The following BBS5 variants were observed in gnomAD, a reference collection of about 807,000 sequenced individuals.
BBS5 encodes BBSome complex member BBS5.
In BBS5, 39 loss-of-function variants were observed where a neutral mutation model predicts 50.2. The observed-to-expected ratio is 0.78, with a 90% CI of 0.60 to 1.01. The LOEUF (loss-of-function observed/expected upper bound fraction) is 1.01. Among genes scored for constraint, BBS5 ranks in the 50% least tolerant of loss-of-function variants. The pLI is 0.00. For missense variants in BBS5, 356 were observed against 401.5 expected, an observed-to-expected ratio of 0.89 and a Z score of 0.97; for synonymous variants, 134 against 133.1, an observed-to-expected ratio of 1.01 and a Z score of -0.05.
chr2:169,506,158 G>C lies in BBS5; in HGVS notation c.*1576G>C, dbSNP rs537862254. Reference sequence around the variant, plus strand: ...GGGTCAGCCCCCCGCCCGGCCAGCCGCCCGGTCCGGGAGGGAGGTGGGGGG... The same window carrying C: ...GGGTCAGCCCCCCGCCCGGCCAGCCCCCCGGTCCGGGAGGGAGGTGGGGGG... On this transcript the variant is annotated 3_prime_UTR_variant, in exon 12 of 12. Transcript: ENST00000295240. 1 of 142,462 alleles carries C rather than the reference G, an allele frequency of 7.0e-6. No individual in the cohort carries two copies. The highest frequency in any genetic ancestry group is 2.7e-5 in the African/African-American group (1 of 37,734). 8.8% of individuals were successfully genotyped at this position (142,462 alleles called of 1,614,324 possible).
At chr2:169,487,158 C>G (rs1683500826) in intron 3 of BBS5, 24 bp downstream of exon 3, 1 of 1,553,680 alleles carries the variant, frequency 6.4e-7, no homozygotes, top group Non-Finnish European at 8.9e-7. Flanking sequence ...TTAGATAAGT[C>G]TGAAGAAAAA....
At chr2:169,481,775 C>A (rs1683402143) in intron 1 of BBS5, among the ~76,000 whole-genome samples, 1 of 152,104 alleles carries the variant, frequency 6.6e-6, no homozygotes. Flanking sequence ...GATGTCCTTT[C>A]CTCTACTCAG....
rs1285935193 is a variant in BBS5, at chr2:169,505,102, G to A, written c.*520G>A. 6 of 988,152 alleles carry A rather than the reference G, an allele frequency of 6.1e-6. No homozygotes were observed. Among genetic ancestry groups the A allele is most frequent in the African/African-American group, 3.2e-5 (2 of 62,218 alleles). The allele number at this position is 988,152 out of a possible 1,614,324, so 61.2% of individuals were successfully genotyped here. Reference sequence around the variant, plus strand: ...GCCGAGTGCCTGCGATTACAGGCGCGCGCCGCCACACCTGACTGGTTTTCG... The same window carrying A: ...GCCGAGTGCCTGCGATTACAGGCGCACGCCGCCACACCTGACTGGTTTTCG... On this transcript the variant is annotated 3_prime_UTR_variant, in exon 12 of 12. Transcript: ENST00000295240.
At chr2:169,484,256 G>A (rs530667553) in intron 2 of BBS5, among the ~76,000 whole-genome samples, 3 of 152,178 alleles carry the variant, frequency 2.0e-5, no homozygotes, top group African/African-American at 7.2e-5. Flanking sequence ...GGTGTTGTGC[G>A]CCTGTGGCCC....
intron 2 of BBS5, among the ~76,000 whole-genome samples, chr2:169,483,266 G>A (rs1323712526): frequency 6.6e-6 from 1 of 152,152 alleles, no homozygotes; most frequent in Non-Finnish European, 1.5e-5. Flanking sequence ...AGGCCCTGTT[G>A]TAAGCCTGCT....
rs755408078 is a variant in BBS5 at position 169,493,787 on chromosome 2, A to C, written c.569A>C (p.His190Pro). 2 of 1,613,162 alleles carry C rather than the reference A, an allele frequency of 1.2e-6. No homozygotes were observed. Among genetic ancestry groups the C allele is most frequent in the Non-Finnish European group, 1.7e-6 (2 of 1,179,196 alleles). Reference sequence around the variant, plus strand: ...ATTACCAATGTGAGAATTGTGTGGCATGCAAATATGAATGATAGTTTTAAT... The same window carrying C: ...ATTACCAATGTGAGAATTGTGTGGCCTGCAAATATGAATGATAGTTTTAAT... ...FFITNVRIVWHANMNDSFNVS... is the reference protein window; with the variant it reads ...FFITNVRIVWPANMNDSFNVS... Residue 190 changes from histidine to proline, a missense_variant, in exon 7 of 12, where the codon CAT becomes CCT. By Grantham distance (77) the His-to-Pro change is moderately conservative. Transcript: ENST00000295240.
chr2:169,503,302 T>C, intron 10 of BBS5, 124 bp downstream of exon 10: 2 of 773,232 alleles, frequency 2.6e-6, no homozygotes, highest in Non-Finnish European at 4.3e-6. Flanking sequence ...AAACCTGAGT[T>C]TGAAGATAAT....
chr2:169,491,885 C>T (rs1462913916), intron 5 of BBS5, among the ~76,000 whole-genome samples: 1 of 152,106 alleles, frequency 6.6e-6, no homozygotes, highest in Non-Finnish European at 1.5e-5. Flanking sequence ...CAATGTCCAC[C>T]TCCTGGTTTC....
At chr2:169,499,411 C>A in intron 8 of BBS5, 75 bp from the exon 9 acceptor site, 1 of 1,417,198 alleles carries the variant, frequency 7.1e-7, no homozygotes, top group Non-Finnish European at 9.7e-7. Flanking sequence ...ACAAATTGAG[C>A]TATAATTTAT....
At chr2:169,479,858 C>T (rs1274073945) in intron 1 of BBS5, among the ~76,000 whole-genome samples, 1 of 152,202 alleles carries the variant, frequency 6.6e-6, no homozygotes, top group Non-Finnish European at 1.5e-5. Context: ...ACCTCCGGTT[C>T]CCCCATCCTG....
intron 1 of BBS5, 100 bp downstream of exon 1, chr2:169,479,712 G>A: frequency 1.5e-6 from 2 of 1,335,044 alleles, no homozygotes; most frequent in Non-Finnish European, 2.1e-6. Flanking sequence ...GCAGCTCGCG[G>A]CCCTGGTGAG....
intron 2 of BBS5, among the ~76,000 whole-genome samples, chr2:169,484,677 A>G (rs912459000): frequency 6.6e-6 from 1 of 152,368 alleles, no homozygotes; most frequent in Non-Finnish European, 1.5e-5. Flanking sequence ...TTAACTTTGC[A>G]CACTGCCCAT....
chr2:169,492,784 T>C, intron 5 of BBS5, 90 bp from the exon 6 acceptor site: 1 of 1,111,652 alleles, frequency 9.0e-7, no homozygotes, highest in East Asian at 2.6e-5. Context: ...TGTTCATAAA[T>C]ACTAACAACT....
Position 169,505,554 on chromosome 2 carries a change from T to G in BBS5, c.*972T>G, listed in dbSNP as rs541439143. ...CCATCCCATCTAGGAAGTGAGGAGC[T>G]TCTCTGCCTGGCCGCCCATCGTCTG... On this transcript the variant is annotated 3_prime_UTR_variant, in exon 12 of 12. Transcript: ENST00000295240. 2,294 of 259,058 alleles carry G rather than the reference T, an allele frequency of 8.9e-3. 36 individuals are homozygous for G. The highest frequency in any genetic ancestry group is 0.033 in the African/African-American group (1,338 of 40,876). The allele number at this position is 259,058 out of a possible 1,614,324, so 16.0% of individuals were successfully genotyped here. A position where few individuals can be genotyped will look rare whatever the true frequency, so the allele number is the denominator to read the frequency against.
intron 3 of BBS5, 136 bp from the exon 4 acceptor site, chr2:169,487,670 A>G: frequency 1.7e-6 from 1 of 581,234 alleles, no homozygotes; most frequent in Non-Finnish European, 2.9e-6. Flanking sequence ...TTTCTTTAAA[A>G]CTTTTAAAAG....
rs115739996 is a variant in BBS5 at position 169,486,903 on chromosome 2, G to C, written c.143-166G>C. Among the ~76,000 whole-genome samples, 3 of 152,050 alleles carry C rather than the reference G, an allele frequency of 2.0e-5. No individual in the cohort carries two copies. The East Asian group carries it at 5.8e-4, about 29-fold the overall frequency. ...TCTCTGGGATTCTGAATCATATGTTGTATACCTTATATAGGTTGGATATGC... is the reference window on the plus strand; with the variant it reads ...TCTCTGGGATTCTGAATCATATGTTCTATACCTTATATAGGTTGGATATGC... On this transcript the variant is annotated intron_variant, in intron 2 of 11. Transcript: ENST00000295240.
chr2:169,488,437 T>C (rs1481590059), intron 5 of BBS5, among the ~76,000 whole-genome samples: 5 of 152,222 alleles, frequency 3.3e-5, no homozygotes, highest in Non-Finnish European at 7.3e-5. Flanking sequence ...GAGGGCACAG[T>C]CTAGATCCCT....
Position 169,492,999 on chromosome 2 carries a change from C to A in BBS5, c.512C>A (p.Ser171Tyr), listed in dbSNP as rs1221027996. The A allele has an allele frequency of 1.4e-5, 23 of 1,613,376 alleles. No homozygotes were observed. The highest frequency in any genetic ancestry group is 1.9e-5 in the Non-Finnish European group (22 of 1,179,768). The change falls in exon 6 of 12, where the codon TCC becomes TAC. Residue 171 changes from serine (S) to tyrosine (Y), a missense_variant. By Grantham distance (144) the Ser-to-Tyr change is moderately radical (BLOSUM62 -2). Transcript: ENST00000295240. ...AAAATAAATGGAGTTTGGAATTTAT[C>A]CAGTGATCAGGTATTGTGCAAAGAG... ...YDKINGVWNLSSDQGNLGTFF... is the reference protein window; with the variant it reads ...YDKINGVWNLYSDQGNLGTFF...
intron 6 of BBS5, 139 bp downstream of exon 6, chr2:169,493,148 A>T (rs1683631897): frequency 1.0e-6 from 1 of 979,538 alleles, no homozygotes; most frequent in Admixed American, 1.8e-5. Context: ...AATAAGTACA[A>T]GTTAGGTTGA....
Sources: gnomAD v4.1 joint callset for allele counts (sites outside exome capture counted in the v4.1 genomes callset) on GRCh38, gnomAD v4.1.1 for gene constraint, MANE v1.5 for transcripts, NCBI Gene and HGNC (gene_info 2026-07-23, HGNC 2026-07-21) for gene names.